The following RGL1 variants were observed in gnomAD, a reference collection of about 807,000 sequenced individuals.
RGL1 encodes the protein ral guanine nucleotide dissociation stimulator like 1, also known as ral guanine nucleotide dissociation stimulator-like 1.
Under a neutral mutation model 95.2 loss-of-function variants are expected in RGL1, and 24 were observed. The observed-to-expected ratio is 0.25, with a 90% CI of 0.18 to 0.35. The LOEUF is 0.35. Ranked by LOEUF, RGL1 falls within the 10% of genes least tolerant of loss-of-function variation. The pLI, the probability that RGL1 is intolerant of heterozygous loss-of-function variation, is 1.00. For synonymous variants in RGL1, 329 were observed against 344.9 expected, an observed-to-expected ratio of 0.95 and a Z score of 0.51; for missense variants, 715 against 936.3, an observed-to-expected ratio of 0.76 and a Z score of 3.08.
chr1:183,726,671 A>G (rs1336465234), intron 1 of RGL1, among the ~76,000 whole-genome samples: 1 of 152,146 alleles, frequency 6.6e-6, no homozygotes, highest in Non-Finnish European at 1.5e-5. Flanking sequence ...TTACCTGGTC[A>G]ATTCTATTAC....
At chr1:183,707,176 T>C (rs1262412938) in intron 1 of RGL1, among the ~76,000 whole-genome samples, 1 of 152,120 alleles carries the variant, frequency 6.6e-6, no homozygotes, top group East Asian at 1.9e-4. Flanking sequence ...TCTGTGTCAC[T>C]AGGCTGGGCA....
Position 183,857,586 on chromosome 1 carries a change from C to T in RGL1, c.348-8410C>T, listed in dbSNP as rs113824145. ...CCTGTTCAGTTTCGGTCCACACACT[C>T]AGCTCCAGGAAGCATGGCCGGAGCC... is the stretch of plus-strand genomic sequence containing the variant. On this transcript the variant is annotated intron_variant, in intron 3 of 17. Transcript: ENST00000360851. Among the ~76,000 whole-genome samples, 298 of 152,280 alleles carry T rather than the reference C, an allele frequency of 2.0e-3. 1 individual carries two copies. The highest frequency in any genetic ancestry group is 6.9e-3 in the African/African-American group (288 of 41,538).
intron 2 of RGL1, among the ~76,000 whole-genome samples, chr1:183,825,632 A>G (rs1480295894): frequency 2.0e-5 from 3 of 152,246 alleles, no homozygotes; most frequent in African/African-American, 7.2e-5. Context: ...AGGAAAGGCC[A>G]GGAGGTTATC....
intron 2 of RGL1, among the ~76,000 whole-genome samples, chr1:183,768,163 A>C (rs553509868): frequency 2.8e-4 from 42 of 152,194 alleles, no homozygotes; most frequent in Non-Finnish European, 4.6e-4. Flanking sequence ...GAAAAAAAAA[A>C]AACTACATAT....
At position 183,926,365 on chromosome 1, in the gene RGL1, T is replaced by G; in HGVS notation, c.*73T>G. The G allele has an allele frequency of 4.0e-6, 5 of 1,252,300 alleles. No individual in the cohort carries two copies. The highest frequency in any genetic ancestry group is 1.5e-5 in the South Asian group (1 of 68,502). 77.6% of individuals were successfully genotyped at this position (1,252,300 alleles called of 1,614,324 possible). A position where few individuals can be genotyped will look rare whatever the true frequency, so the allele number is the denominator to read the frequency against. ...AGAAACAGGCTGCGGTGATTGCAAT[T>G]ACCATCCGGTGTTCGAGGATCATTG... On this transcript the variant is annotated 3_prime_UTR_variant, in exon 18 of 18. Coordinates refer to ENST00000360851, the MANE Select transcript of RGL1 (RefSeq NM_001297671.3).
chr1:183,671,610 AT>A (rs10713899), intron 1 of RGL1, among the ~76,000 whole-genome samples: 1,909 of 152,228 alleles, frequency 0.013, 44 homozygotes, highest in African/African-American at 0.044. Context: ...TAGTTTCTTC[AT>A]TTGGATAGCT....
chr1:183,644,065 G>A (rs190461424), intron 1 of RGL1, among the ~76,000 whole-genome samples: 1 of 152,304 alleles, frequency 6.6e-6, no homozygotes, highest in East Asian at 1.9e-4. Context: ...TTTAGAGGAT[G>A]CCCATTGGTA....
chr1:183,812,401 T>G (rs1572444236), intron 2 of RGL1, among the ~76,000 whole-genome samples: 1 of 152,206 alleles, frequency 6.6e-6, no homozygotes, highest in Non-Finnish European at 1.5e-5. Flanking sequence ...CAGTGTGAAC[T>G]CCCTCGCTGC....
At chr1:183,736,911 A>G (rs1656973006) in intron 1 of RGL1, among the ~76,000 whole-genome samples, 1 of 148,444 alleles carries the variant, frequency 6.7e-6, no homozygotes, top group Non-Finnish European at 1.5e-5. Flanking sequence ...TCATTTCAAT[A>G]AGTTTCTGAA....
chr1:183,748,165 G>A (rs1433295569), intron 2 of RGL1, among the ~76,000 whole-genome samples: 1 of 151,986 alleles, frequency 6.6e-6, no homozygotes, highest in Non-Finnish European at 1.5e-5. Flanking sequence ...TGGGATCAGT[G>A]GTGATATCCC....
chr1:183,880,873 C>G, intron 5 of RGL1, 73 bp downstream of exon 5: 1 of 1,423,202 alleles, frequency 7.0e-7, no homozygotes, highest in Non-Finnish European at 9.6e-7. Context: ...GAAAGGTTCT[C>G]CCTGTGCTGG....
intron 2 of RGL1, among the ~76,000 whole-genome samples, chr1:183,828,952 A>T (rs1435941408): frequency 2.0e-5 from 3 of 152,216 alleles, no homozygotes; most frequent in Non-Finnish European, 2.9e-5. Flanking sequence ...GTAGAAGCAG[A>T]TGACTTTACT....
At chr1:183,850,063 C>G (rs1188452267) in intron 3 of RGL1, among the ~76,000 whole-genome samples, 1 of 152,172 alleles carries the variant, frequency 6.6e-6, no homozygotes, top group Non-Finnish European at 1.5e-5. Context: ...TTTGCCATGA[C>G]CTGACCACTG....
chr1:183,881,039 A>G (rs1171943028), intron 5 of RGL1, among the ~76,000 whole-genome samples: 1 of 152,118 alleles, frequency 6.6e-6, no homozygotes, highest in Non-Finnish European at 1.5e-5. Context: ...CCCTCATTTT[A>G]TGGATGAGGA....
At chr1:183,718,248 A>AG (rs1296348593) in intron 1 of RGL1, among the ~76,000 whole-genome samples, 56 of 150,130 alleles carry the variant, frequency 3.7e-4, no homozygotes, top group African/African-American at 1.1e-3. Context: ...AAAAAAAAAA[A>AG]AGAGAGAGAG....
exon 1 of RGL1, chr1:183,636,442 A>G (rs1649537672): frequency 2.9e-6 from 1 of 346,634 alleles, no homozygotes; most frequent in Admixed American, 4.8e-5. Flanking sequence ...CGAAAGGTCA[A>G]ATCTTATCTG....
chr1:183,662,271 G>T (rs1344333586), intron 1 of RGL1, among the ~76,000 whole-genome samples: 3 of 150,374 alleles, frequency 2.0e-5, no homozygotes, highest in Non-Finnish European at 4.4e-5. Context: ...AAGTCAAATT[G>T]TCCCTGTTTG....
chr1:183,818,836 A>G lies in RGL1; in HGVS notation c.138+12351A>G, dbSNP rs553556861. Among the ~76,000 whole-genome samples the G allele has an allele frequency of 2.0e-5, 3 of 152,366 alleles. No individual in the cohort carries two copies. The South Asian group carries it at 6.2e-4, about 32-fold the overall frequency. On this transcript the variant is annotated intron_variant, in intron 2 of 17. Transcript: ENST00000360851. ...TGAAGCAAAAGGAAAACATTGAAGC[A>G]GCTAAATTTAGCTTATATTTTATAC...
At chr1:183,669,751 C>T (rs1441414530) in intron 1 of RGL1, among the ~76,000 whole-genome samples, 2 of 152,160 alleles carry the variant, frequency 1.3e-5, no homozygotes, top group Non-Finnish European at 2.9e-5. Context: ...GTTTAATGCA[C>T]TCACAATTCC....
Sources: allele counts gnomAD v4.1 joint callset (sites outside exome capture counted in the v4.1 genomes callset), GRCh38; gene constraint gnomAD v4.1.1; transcripts MANE v1.5; gene names NCBI Gene and HGNC (gene_info 2026-07-23, HGNC 2026-07-21).